Variants in IST1 observed in about 807,000 individuals in gnomAD.
IST1 encodes the protein IST1 factor associated with ESCRT-III.
Under a neutral mutation model 37.0 loss-of-function variants are expected in IST1, and 23 were observed. The ratio of observed to expected loss-of-function variants is 0.62; its 90% confidence interval spans 0.45 to 0.88. The LOEUF (loss-of-function observed/expected upper bound fraction) is 0.88, where lower values mean the gene tolerates loss of function less well. Among genes scored for constraint, IST1 ranks in the 40% least tolerant of loss-of-function variants. The probability of loss-of-function intolerance (pLI) is 0.00; values close to 1 mark genes in which losing one functional copy is unlikely to be tolerated. For synonymous variants in IST1, 180 were observed against 161.7 expected, an observed-to-expected ratio of 1.11 and a Z score of -0.86; for missense variants, 488 against 445.4, an observed-to-expected ratio of 1.10 and a Z score of -0.86.
At chr16:71,900,291 A>G (rs2037076471) in intron 1 of IST1, among the ~76,000 whole-genome samples, 1 of 148,612 alleles carries the variant, frequency 6.7e-6, no homozygotes, top group African/African-American at 2.5e-5. Context: ...TCGTACTTTT[A>G]GAGCTACAAA....
intron 1 of IST1, among the ~76,000 whole-genome samples, chr16:71,907,869 TAAA>T (rs1234100758): frequency 6.6e-6 from 1 of 152,160 alleles, no homozygotes; most frequent in African/African-American, 2.4e-5. Context: ...GCTAGTCAAC[TAAA>T]CTAGACTCAA....
chr16:71,924,963 C>T, intron 9 of IST1, 146 bp downstream of exon 9: 1 of 614,168 alleles, frequency 1.6e-6, no homozygotes, highest in Non-Finnish European at 2.9e-6. Context: ...TAAAATAGAA[C>T]TCAGGATATC....
Position 71,928,165 on chromosome 16 carries a change from G to C in IST1, c.*352G>C, listed in dbSNP as rs1349760201. ...GAAGACCACCAAAGATGGCTGGACA[G>C]TGGGAGAGAGCACGTTGTGAAGCAT... On this transcript the variant is annotated 3_prime_UTR_variant, in exon 10 of 10. Coordinates refer to ENST00000378799, the MANE Select transcript of IST1 (RefSeq NM_001270975.2). 1 of 304,790 alleles carries C rather than the reference G, an allele frequency of 3.3e-6. No homozygotes were observed. Among genetic ancestry groups the C allele is most frequent in the African/African-American group, 2.2e-5 (1 of 45,948 alleles). The allele number at this position is 304,790 out of a possible 1,614,324, so 18.9% of individuals were successfully genotyped here. A position where few individuals can be genotyped will look rare whatever the true frequency, so the allele number is the denominator to read the frequency against.
At position 71,922,536 on chromosome 16, in the gene IST1, GAAAGGAGGCCCTGGA is replaced by G; in HGVS notation, c.617_631del (p.Lys206_Gly210del). 6.2e-7 allele frequency: 1 copy of G among 1,614,168 alleles called. No homozygotes were observed. Among genetic ancestry groups the G allele is most frequent in the Non-Finnish European group, 8.5e-7 (1 of 1,180,012 alleles). On this transcript the variant is annotated inframe_deletion, in exon 7 of 10. Coordinates refer to ENST00000378799, the MANE Select transcript of IST1 (RefSeq NM_001270975.2). ...ATGTTGGATTCACAGATGATGTGAA[GAAAGGAGGCCCTGGA>G]AGAGGAGGGAGTGGTGGCTTCACAG...
At chr16:71,915,478 A>G in intron 1 of IST1, 148 bp from the exon 2 acceptor site, 1 of 565,032 alleles carries the variant, frequency 1.8e-6, no homozygotes, top group Non-Finnish European at 3.1e-6. Context: ...CAGCCAAAAC[A>G]ATCTGTAAAA....
chr16:71,918,465 G>A (rs371099918), intron 4 of IST1, among the ~76,000 whole-genome samples: 2 of 150,484 alleles, frequency 1.3e-5, no homozygotes, highest in African/African-American at 4.9e-5. Flanking sequence ...TGCCTGGGCT[G>A]GAGTGCAGTG....
In IST1 at chr16:71,930,432, T is replaced by C. The variant is rs879761642; in HGVS notation, c.*2619T>C. On this transcript the variant is annotated 3_prime_UTR_variant, in exon 10 of 10. Transcript: ENST00000378799. ...TCACAAGAAAACAGGTGAGTTGCAG[T>C]GGAATTGGAAATGATTCAAATGTCA... The C allele has an allele frequency of 3.1e-5, 10 of 324,548 alleles. No individual in the cohort carries two copies. Among genetic ancestry groups the C allele is most frequent in the Non-Finnish European group, 5.6e-5 (10 of 179,314 alleles). 20.1% of individuals were successfully genotyped at this position (324,548 alleles called of 1,614,324 possible). A position where few individuals can be genotyped will look rare whatever the true frequency, so the allele number is the denominator to read the frequency against.
At chr16:71,902,563 C>T (rs1182088109) in intron 1 of IST1, among the ~76,000 whole-genome samples, 1 of 152,196 alleles carries the variant, frequency 6.6e-6, no homozygotes, top group African/African-American at 2.4e-5. Context: ...AGCCACCGCG[C>T]CCAGCCTAGA....
chr16:71,918,737 C>A (rs1354656716), intron 4 of IST1, among the ~76,000 whole-genome samples: 1 of 152,050 alleles, frequency 6.6e-6, no homozygotes, highest in African/African-American at 2.4e-5. Flanking sequence ...CTTCTGTACT[C>A]CTTTAAAATT....
chr16:71,920,314 G>T (rs2037551199), intron 4 of IST1, among the ~76,000 whole-genome samples: 1 of 152,176 alleles, frequency 6.6e-6, no homozygotes, highest in Admixed American at 6.6e-5. Context: ...AGCTACATAG[G>T]ATACGGCTTA....
chr16:71,913,583 C>T (rs1447648645), intron 1 of IST1, among the ~76,000 whole-genome samples: 6 of 152,264 alleles, frequency 3.9e-5, no homozygotes, highest in Middle Eastern at 3.4e-3. Flanking sequence ...TCACCACAGC[C>T]TCTGCTTCTG....
At chr16:71,921,760 A>T (rs2037591397) in intron 6 of IST1, 1 of 287,222 alleles carries the variant, frequency 3.5e-6, no homozygotes, top group Non-Finnish European at 6.7e-6. Flanking sequence ...CCAAGACCCA[A>T]ACAGTTCCCG....
chr16:71,920,831 C>T lies in IST1; in HGVS notation c.441+9C>T, dbSNP rs575901500. 18 of 1,594,746 alleles carry T rather than the reference C, an allele frequency of 1.1e-5. No homozygotes were observed. In the South Asian group the frequency reaches 1.8e-4, roughly 16 times the overall value. ...GAACTGTGAATGACAGGGTAATGAACATACTTGGTAAACATGAAGGCAGTG... is the reference window on the plus strand; with the variant it reads ...GAACTGTGAATGACAGGGTAATGAATATACTTGGTAAACATGAAGGCAGTG... On this transcript the variant is annotated intron_variant, in intron 5 of 9. Coordinates refer to ENST00000378799, the MANE Select transcript of IST1 (RefSeq NM_001270975.2).
intron 1 of IST1, among the ~76,000 whole-genome samples, chr16:71,900,227 T>C (rs562644903): frequency 6.6e-6 from 1 of 151,374 alleles, no homozygotes; most frequent in South Asian, 2.1e-4. Context: ...AAAGCTTTTG[T>C]ACGTATTGGA....
chr16:71,922,989 A>C, intron 7 of IST1: 1 of 486,044 alleles, frequency 2.1e-6, no homozygotes, highest in South Asian at 2.5e-5. Context: ...ACCAATTATT[A>C]CCAGGCAGAA....
chr16:71,927,842 T>G lies in IST1; in HGVS notation c.*29T>G. On this transcript the variant is annotated 3_prime_UTR_variant, in exon 10 of 10. Transcript: ENST00000378799. ...TCTTAAACCAGGCAACTTTCACGTT[T>G]TGGGAGTTGAGACTGAGCAATTTCT... The G allele has an allele frequency of 6.5e-7, 1 of 1,547,636 alleles. No homozygotes were observed. Among genetic ancestry groups the G allele is most frequent in the Non-Finnish European group, 8.9e-7 (1 of 1,122,592 alleles).
Position 71,926,539 on chromosome 16 carries a change from G to A in IST1, c.902-1075G>A, listed in dbSNP as rs533365896. On this transcript the variant is annotated intron_variant, in intron 9 of 9. Coordinates refer to ENST00000378799, the MANE Select transcript of IST1 (RefSeq NM_001270975.2). The stretch of plus-strand genomic sequence containing the variant: ...TTTTTTGTATTTTTAGTAGAGATGG[G>A]GTTTCACCATGTTAGCCAGGATGGT... 5.3e-4 allele frequency among the ~76,000 whole-genome samples: 80 copies of A among 151,816 alleles called. 1 individual carries two copies. In the East Asian group the frequency reaches 0.013, roughly 24 times the overall value.
chr16:71,924,733 T>G, intron 8 of IST1, 36 bp from the exon 9 acceptor site: 1 of 1,531,306 alleles, frequency 6.5e-7, no homozygotes, highest in Non-Finnish European at 9.1e-7. Flanking sequence ...AGTGACACTA[T>G]TGCTGTCTCC....
At chr16:71,898,995 G>C (rs940238159) in intron 1 of IST1, among the ~76,000 whole-genome samples, 1 of 150,416 alleles carries the variant, frequency 6.6e-6, no homozygotes, top group Non-Finnish European at 1.5e-5. Context: ...AAACACTCTT[G>C]GTAAAAGACC....
Sources: gnomAD v4.1 joint callset for allele counts (sites outside exome capture counted in the v4.1 genomes callset) on GRCh38, gnomAD v4.1.1 for gene constraint, MANE v1.5 for transcripts, NCBI Gene and HGNC (gene_info 2026-07-23, HGNC 2026-07-21) for gene names.